Variants in PIK3R3 observed in about 807,000 individuals in gnomAD.
PIK3R3 encodes phosphatidylinositol 3-kinase regulatory subunit gamma.
PIK3R3 carries 64 observed loss-of-function variants against 62.9 expected under a neutral mutation model. The ratio of observed to expected loss-of-function variants is 1.02; its 90% confidence interval spans 0.83 to 1.25. The LOEUF is 1.25. PIK3R3 is among the 50% of genes most tolerant of loss of function. The pLI, the probability that PIK3R3 is intolerant of heterozygous loss-of-function variation, is 0.00. For missense variants in PIK3R3, 614 were observed against 561.6 expected (o/e 1.09, Z -0.94); for synonymous variants, 165 against 189.0 (o/e 0.87, Z 1.04).
chr1:46,047,340 A>T (rs1612092), intron 7 of PIK3R3, among the ~76,000 whole-genome samples: 1 of 151,306 alleles, frequency 6.6e-6, no homozygotes, highest in Non-Finnish European at 1.5e-5. Context: ...AGGGAGGCTG[A>T]GGCAGGAGAA....
chr1:46,125,998 A>C (rs1164837446), intron 1 of PIK3R3, among the ~76,000 whole-genome samples: 1 of 151,878 alleles, frequency 6.6e-6, no homozygotes, highest in African/African-American at 2.4e-5. Context: ...CTGACCTCGT[A>C]ATCCGCCTGC....
chr1:46,077,606 C>A lies in PIK3R3; in HGVS notation c.223G>T (p.Val75Leu), dbSNP rs750096898. The change falls in exon 3 of 10, where the codon GTA (valine) becomes TTA (leucine). Residue 75 changes from valine (V) to leucine (L), a missense_variant. Physicochemically the swap from Val to Leu is conservative, Grantham distance 32 (BLOSUM62 1). Transcript: ENST00000262741. ...WYWGDISREE[V>L]NDKLRDMPDG... is the part of the protein sequence containing the mutation. Reference sequence around the variant, plus strand: ...GGCATATCCCGCAATTTGTCATTTACCTCCTCCCTGAAGAACAGAATTATA... The same window carrying A: ...GGCATATCCCGCAATTTGTCATTTAACTCCTCCCTGAAGAACAGAATTATA... 6.3e-7 allele frequency: 1 copy of A among 1,598,946 alleles called. No individual in the cohort carries two copies. Among genetic ancestry groups the A allele is most frequent in the South Asian group, 1.1e-5 (1 of 90,792 alleles).
chr1:46,091,910 A>G (rs1160847623), intron 1 of PIK3R3, among the ~76,000 whole-genome samples: 1 of 152,104 alleles, frequency 6.6e-6, no homozygotes, highest in Non-Finnish European at 1.5e-5. Flanking sequence ...GTTATACTAT[A>G]TTTTTATTTG....
intron 9 of PIK3R3, 41 bp downstream of exon 9, chr1:46,045,877 G>A (rs1211353845): frequency 6.5e-7 from 1 of 1,537,032 alleles, no homozygotes; most frequent in Non-Finnish European, 9.0e-7. Flanking sequence ...AATAATTGAT[G>A]CAAAAGATTT....
intron 2 of PIK3R3, among the ~76,000 whole-genome samples, chr1:46,079,452 G>A (rs184742594): frequency 6.6e-6 from 1 of 152,260 alleles, no homozygotes; most frequent in East Asian, 1.9e-4. Flanking sequence ...TCTATTAAAT[G>A]CAGATTCCTG....
At position 46,132,628 on chromosome 1, in the gene PIK3R3, C is replaced by G; in HGVS notation, c.-676G>C. The G allele has an allele frequency of 7.8e-7, 1 of 1,289,742 alleles. No homozygotes were observed. Among genetic ancestry groups the G allele is most frequent in the South Asian group, 1.2e-5 (1 of 81,020 alleles). 79.9% of individuals were successfully genotyped at this position (1,289,742 alleles called of 1,614,324 possible). ...CGCACCAACTGCCCTCAAGCTCTGCCCGGACTCCAGCCACTAGAGTTTCAT... is the reference window on the plus strand; with the variant it reads ...CGCACCAACTGCCCTCAAGCTCTGCGCGGACTCCAGCCACTAGAGTTTCAT... On this transcript the variant is annotated 5_prime_UTR_variant, in exon 1 of 10. Coordinates refer to ENST00000262741, the MANE Select transcript of PIK3R3 (RefSeq NM_003629.4).
At chr1:46,066,793 A>G (rs113786208) in intron 4 of PIK3R3, 118 bp downstream of exon 4, 1 of 841,470 alleles carries the variant, frequency 1.2e-6, no homozygotes. Context: ...TCTCAAAGTA[A>G]ATAAATAAAT....
chr1:46,062,033 A>C lies in PIK3R3; in HGVS notation c.660T>G (p.Asn220Lys), dbSNP rs774709946. Reference protein sequence around the residue: ...QMKRTAIEAFNETIKIFEEQC... With the variant: ...QMKRTAIEAFKETIKIFEEQC... ...GCTCTTCAAATATTTTAATTGTTTC[A>C]TTAAAAGCTTCTATTGCAGTCCTCT... is the stretch of plus-strand genomic sequence containing the variant. The change falls in exon 6 of 10, where the codon AAT becomes AAG. Residue 220 changes from asparagine to lysine, a missense_variant. Asn to Lys is a moderately conservative substitution (Grantham distance 94, BLOSUM62 0). Coordinates refer to ENST00000262741, the MANE Select transcript of PIK3R3 (RefSeq NM_003629.4). 6.2e-7 allele frequency: 1 copy of C among 1,612,498 alleles called. No homozygotes were observed. Among genetic ancestry groups the C allele is most frequent in the East Asian group, 2.2e-5 (1 of 44,860 alleles).
chr1:46,074,286 C>CAAAAAAAAAA (rs1179172400), intron 3 of PIK3R3, among the ~76,000 whole-genome samples: 4 of 20,832 alleles, frequency 1.9e-4, no homozygotes, highest in Non-Finnish European at 3.5e-4. Flanking sequence ...TAGACTCCGT[C>CAAAAAAAAAA]AAAAAAAAAA....
At chr1:46,115,561 T>C (rs1654113218) in intron 1 of PIK3R3, among the ~76,000 whole-genome samples, 2 of 152,190 alleles carry the variant, frequency 1.3e-5, no homozygotes, top group Admixed American at 1.3e-4. Context: ...TATCTGGCAA[T>C]ACTAAATTTC....
intron 6 of PIK3R3, chr1:46,056,961 A>C (rs1370292661): frequency 6.6e-6 from 1 of 152,246 alleles, no homozygotes; most frequent in Admixed American, 6.5e-5. Flanking sequence ...TTAACTTCTC[A>C]GTGCCTTCAT....
chr1:46,131,701 G>A (rs926067043), intron 1 of PIK3R3, 146 bp downstream of exon 1: 1 of 564,602 alleles, frequency 1.8e-6, no homozygotes, highest in African/African-American at 2.3e-5. Context: ...TAAACCAGAA[G>A]CAGTTTTACC....
chr1:46,110,779 G>C (rs1452165133), intron 1 of PIK3R3, among the ~76,000 whole-genome samples: 1 of 142,500 alleles, frequency 7.0e-6, no homozygotes, highest in Non-Finnish European at 1.5e-5. Context: ...GATCCAAGAA[G>C]TAATTATGCT....
At chr1:46,098,796 G>A (rs1390589491) in intron 1 of PIK3R3, among the ~76,000 whole-genome samples, 1 of 152,160 alleles carries the variant, frequency 6.6e-6, no homozygotes, top group Non-Finnish European at 1.5e-5. Context: ...AAACTACTGA[G>A]TTCAAGCGAT....
chr1:46,155,888 T>A, the PIK3R3 span, among the ~76,000 whole-genome samples: 1 of 152,218 alleles, frequency 6.6e-6, no homozygotes, highest in African/African-American at 2.4e-5. Flanking sequence ...ATAAATAAAG[T>A]CATACTCATT....
chr1:46,068,285 C>T (rs150122251), intron 3 of PIK3R3, among the ~76,000 whole-genome samples: 44 of 152,336 alleles, frequency 2.9e-4, no homozygotes, highest in African/African-American at 9.9e-4. Context: ...AGTTAAAAGA[C>T]ATTCATTCAT....
At chr1:46,119,841 A>G (rs527758449) in intron 1 of PIK3R3, among the ~76,000 whole-genome samples, 4 of 149,796 alleles carry the variant, frequency 2.7e-5, no homozygotes, top group Non-Finnish European at 5.9e-5. Context: ...ACAGTGGTAT[A>G]ATCACAGCTC....
chr1:46,153,174 A>G, the PIK3R3 span, among the ~76,000 whole-genome samples: 2 of 152,208 alleles, frequency 1.3e-5, no homozygotes, highest in Non-Finnish European at 2.9e-5. Context: ...AAATAATTCA[A>G]AATATAATCC....
intron 1 of PIK3R3, among the ~76,000 whole-genome samples, chr1:46,097,381 A>G (rs920066929): frequency 6.6e-6 from 1 of 150,502 alleles, no homozygotes. Flanking sequence ...CTGCCTCCAC[A>G]AAAAAATAAT....
Sources: allele counts gnomAD v4.1 joint callset (sites outside exome capture counted in the v4.1 genomes callset), GRCh38; gene constraint gnomAD v4.1.1; transcripts MANE v1.5; gene names NCBI Gene and HGNC (gene_info 2026-07-23, HGNC 2026-07-21).